The following PCDHA10 variants were observed in gnomAD, a reference collection of about 807,000 sequenced individuals.
PCDHA10 encodes protocadherin alpha-10.
A neutral mutation model predicts 61.2 loss-of-function variants in PCDHA10; 45 were observed. The observed-to-expected ratio is 0.74, with a 90% CI of 0.58 to 0.94. PCDHA10 has a LOEUF of 0.94. Ranked by LOEUF, PCDHA10 falls within the 40% of genes least tolerant of loss-of-function variation. PCDHA10 has a pLI of 0.00. For synonymous variants in PCDHA10, 602 were observed against 548.8 expected (o/e 1.10, Z -1.35); for missense variants, 1,278 against 1,236.2 (o/e 1.03, Z -0.51).
chr5:140,976,615 G>C (rs1264627090), intron 1 of PCDHA10, among the ~76,000 whole-genome samples: 2 of 152,102 alleles, frequency 1.3e-5, no homozygotes, highest in Admixed American at 1.3e-4. Context: ...AAACATGACT[G>C]TCAGCTGAAC....
intron 1 of PCDHA10, chr5:140,863,004 G>A (rs1236967953): frequency 1.8e-6 from 1 of 551,012 alleles, no homozygotes; most frequent in African/African-American, 1.9e-5. Flanking sequence ...GTGGACTCCA[G>A]CTATGACGCC....
At chr5:140,986,859 C>T (rs1554248338) in intron 3 of PCDHA10, among the ~76,000 whole-genome samples, 1 of 152,152 alleles carries the variant, frequency 6.6e-6, no homozygotes, top group East Asian at 1.9e-4. Context: ...ACCAACAATA[C>T]CCGGAAACTT....
intron 1 of PCDHA10, among the ~76,000 whole-genome samples, chr5:140,941,374 T>C (rs1188935172): frequency 6.7e-6 from 1 of 148,216 alleles, no homozygotes; most frequent in African/African-American, 2.5e-5. Flanking sequence ...TGGAGTGTAG[T>C]GACAGGATTT....
intron 1 of PCDHA10, among the ~76,000 whole-genome samples, chr5:140,948,690 T>C (rs1241278993): frequency 6.6e-6 from 1 of 151,592 alleles, no homozygotes; most frequent in Non-Finnish European, 1.5e-5. Context: ...TTTTTGATAT[T>C]GGTGATTTGT....
At chr5:140,884,046 A>T in intron 1 of PCDHA10, 1 of 1,613,474 alleles carries the variant, frequency 6.2e-7, no homozygotes, top group Non-Finnish European at 8.5e-7. Flanking sequence ...GTGGTGGCGA[A>T]GGTGCGCGCG....
chr5:140,878,599 A>G (rs1308833361), intron 1 of PCDHA10, among the ~76,000 whole-genome samples: 4 of 152,220 alleles, frequency 2.6e-5, no homozygotes, highest in African/African-American at 2.4e-5. Context: ...TTACCAAGTG[A>G]ATCTTCTAAT....
chr5:140,989,253 G>A (rs886150768), intron 3 of PCDHA10, among the ~76,000 whole-genome samples: 4 of 152,194 alleles, frequency 2.6e-5, no homozygotes, highest in Non-Finnish European at 1.5e-5. Flanking sequence ...CTTGTCAAAA[G>A]GGAGATTCAA....
intron 1 of PCDHA10, among the ~76,000 whole-genome samples, chr5:140,935,777 T>C (rs1306193430): frequency 6.6e-6 from 1 of 152,190 alleles, no homozygotes; most frequent in African/African-American, 2.4e-5. Flanking sequence ...TTTGAGTTTT[T>C]TCACTTAAAA....
rs781975666 is a variant in PCDHA10, at chr5:140,856,109, G to A, written c.61G>A (p.Ala21Thr). 6.9e-6 allele frequency: 11 copies of A among 1,597,740 alleles called. 1 individual carries two copies. The highest frequency in any genetic ancestry group is 4.0e-5 in the African/African-American group (3 of 74,230). The change falls in exon 1 of 4, where the codon GCA becomes ACA. Residue 21 changes from alanine (A) to threonine (T), a missense_variant. By Grantham distance (58) the Ala-to-Thr change is moderately conservative. Transcript: ENST00000307360. The stretch of plus-strand genomic sequence containing the variant: ...TCTGCTGCTCTCGCTTCTTCTCCTC[G>A]CAGCCTGGGAGGTGGGGAGCGGCCA... ...QCLLLSLLLL[A>T]AWEVGSGQLH...
chr5:140,858,003 A>G lies in PCDHA10; in HGVS notation c.1955A>G (p.Asp652Gly). ...PRQRLLVLVKDHGEPSLTATA... is the reference protein window; with the variant it reads ...PRQRLLVLVKGHGEPSLTATA... ...CAGCGCCTACTGGTGCTGGTGAAGG[A>G]CCATGGCGAGCCGTCGCTGACGGCC... The change falls in exon 1 of 4, where the codon GAC becomes GGC. Residue 652 changes from aspartate to glycine, a missense_variant. Coordinates refer to ENST00000307360, the MANE Select transcript of PCDHA10 (RefSeq NM_018901.4). 6.3e-7 allele frequency: 1 copy of G among 1,596,628 alleles called. No homozygotes were observed. Among genetic ancestry groups the G allele is most frequent in the Non-Finnish European group, 8.6e-7 (1 of 1,167,058 alleles).
chr5:140,897,769 C>T (rs1441051679), intron 1 of PCDHA10, among the ~76,000 whole-genome samples: 2 of 152,198 alleles, frequency 1.3e-5, no homozygotes, highest in Non-Finnish European at 2.9e-5. Flanking sequence ...GCCACACTGA[C>T]TTCCACAATG....
chr5:140,929,046 C>T, intron 1 of PCDHA10: 3 of 1,614,206 alleles, frequency 1.9e-6, no homozygotes, highest in Non-Finnish European at 2.5e-6. Context: ...CTCAGAGCTG[C>T]TGTCGCTCTA....
intron 3 of PCDHA10, among the ~76,000 whole-genome samples, chr5:140,986,524 G>C (rs2097203903): frequency 6.6e-6 from 1 of 152,198 alleles, no homozygotes; most frequent in South Asian, 2.1e-4. Flanking sequence ...GCCTGTGAGG[G>C]AACTGGCCTG....
intron 3 of PCDHA10, among the ~76,000 whole-genome samples, chr5:140,983,265 T>C (rs553920702): frequency 6.6e-6 from 1 of 152,200 alleles, no homozygotes; most frequent in Non-Finnish European, 1.5e-5. Flanking sequence ...AAAAACCTAA[T>C]GGCTGGGTGA....
chr5:140,940,552 G>A (rs1198606745), intron 1 of PCDHA10, among the ~76,000 whole-genome samples: 4 of 152,018 alleles, frequency 2.6e-5, no homozygotes, highest in African/African-American at 9.7e-5. Flanking sequence ...GGGCTCAAGT[G>A]ATTCTCCTAC....
chr5:140,925,027 C>A (rs1238112043), intron 1 of PCDHA10, among the ~76,000 whole-genome samples: 1 of 151,680 alleles, frequency 6.6e-6, no homozygotes, highest in Non-Finnish European at 1.5e-5. Flanking sequence ...GGGAGGATCG[C>A]TTGAGCCCAG....
intron 3 of PCDHA10, among the ~76,000 whole-genome samples, chr5:140,999,519 G>A (rs1303009823): frequency 6.6e-6 from 1 of 152,074 alleles, no homozygotes; most frequent in Non-Finnish European, 1.5e-5. Context: ...TAAGCATTTT[G>A]TTACCCCCTG....
chr5:140,925,570 A>G (rs531387558), intron 1 of PCDHA10, among the ~76,000 whole-genome samples: 1 of 152,008 alleles, frequency 6.6e-6, no homozygotes, highest in African/African-American at 2.4e-5. Flanking sequence ...TGGGTGCAGC[A>G]CACCAACATG....
chr5:140,865,139 A>G (rs1467997658), intron 1 of PCDHA10: 1 of 152,202 alleles, frequency 6.6e-6, no homozygotes, highest in Non-Finnish European at 1.5e-5. Flanking sequence ...CTTAGAATTT[A>G]ACATTGTATA....
Sources: allele counts gnomAD v4.1 joint callset (sites outside exome capture counted in the v4.1 genomes callset), GRCh38; gene constraint gnomAD v4.1.1; transcripts MANE v1.5; gene names NCBI Gene and HGNC (gene_info 2026-07-23, HGNC 2026-07-21).